FAT3: variants seen among roughly 807,000 people sequenced by gnomAD.
The protein encoded by FAT3 is protocadherin Fat 3.
Under a neutral mutation model 310.2 loss-of-function variants are expected in FAT3, and 95 were observed. The observed-to-expected ratio is 0.31, with a 90% CI of 0.26 to 0.36. FAT3 has a LOEUF of 0.36. Among genes scored for constraint, FAT3 ranks in the 10% least tolerant of loss-of-function variants. FAT3 has a pLI of 1.00. For missense variants in FAT3, 5,408 were observed against 5,715.6 expected (o/e 0.95, Z 1.74); for synonymous variants, 2,314 against 2,192.9 (o/e 1.06, Z -1.54).
intron 1 of FAT3, among the ~76,000 whole-genome samples, chr11:92,269,350 G>A (rs919686145): frequency 6.6e-6 from 1 of 152,084 alleles, no homozygotes; most frequent in Admixed American, 6.6e-5. Context: ...GTTCACACCA[G>A]CAAGCAAGTA....
intron 4 of FAT3, among the ~76,000 whole-genome samples, chr11:92,706,847 A>G (rs1944369428): frequency 1.3e-5 from 2 of 152,204 alleles, no homozygotes; most frequent in Non-Finnish European, 1.5e-5. Flanking sequence ...CTCTGTTGAC[A>G]TTGGAAATTA....
At chr11:92,729,115 C>G (rs943223530) in intron 4 of FAT3, among the ~76,000 whole-genome samples, 1 of 152,138 alleles carries the variant, frequency 6.6e-6, no homozygotes, top group Non-Finnish European at 1.5e-5. Context: ...GTGATTTGTT[C>G]TATGTGTTTC....
intron 3 of FAT3, among the ~76,000 whole-genome samples, chr11:92,641,191 T>G (rs2135728450): frequency 6.6e-6 from 1 of 152,264 alleles, no homozygotes; most frequent in East Asian, 1.9e-4. Flanking sequence ...AGAGACCCTG[T>G]CCCCTACCAC....
intron 3 of FAT3, among the ~76,000 whole-genome samples, chr11:92,541,471 C>T (rs1426850508): frequency 1.3e-5 from 2 of 152,158 alleles, no homozygotes; most frequent in South Asian, 2.1e-4. Flanking sequence ...TCTGGATTCA[C>T]TTGCCTCTGA....
chr11:92,320,315 G>GGA (rs1440166386), intron 1 of FAT3, among the ~76,000 whole-genome samples: 1 of 152,110 alleles, frequency 6.6e-6, no homozygotes, highest in Non-Finnish European at 1.5e-5. Flanking sequence ...CATGCAGGAA[G>GGA]GAGCCCTCCC....
At chr11:92,862,056 T>C (rs1449076853) in intron 21 of FAT3, among the ~76,000 whole-genome samples, 1 of 152,164 alleles carries the variant, frequency 6.6e-6, no homozygotes, top group Non-Finnish European at 1.5e-5. Flanking sequence ...CCTATCTTCT[T>C]CCAAAAGAAA....
intron 17 of FAT3, among the ~76,000 whole-genome samples, chr11:92,839,079 C>G (rs1948474567): frequency 6.6e-6 from 1 of 152,218 alleles, no homozygotes; most frequent in Middle Eastern, 3.2e-3. Context: ...CCCTCATGGC[C>G]TCTGTTTGCT....
chr11:92,831,978 G>C lies in FAT3; in HGVS notation c.9838G>C (p.Glu3280Gln), dbSNP rs758963385. 3.2e-6 allele frequency: 5 copies of C among 1,557,350 alleles called. No homozygotes were observed. The Admixed American group carries it at 9.7e-5, about 30-fold the overall frequency. Residue 3280 changes from glutamate (E) to glutamine (Q), a missense_variant, in exon 14 of 28, where the codon GAA becomes CAA. This residue lies in a region of FAT3 where 4,588 missense variants were observed against 4,809.8 expected (regional missense o/e 0.95). Coordinates refer to ENST00000525166, the MANE Select transcript of FAT3 (RefSeq NM_001367949.2). The stretch of plus-strand genomic sequence containing the variant: ...CACTTATCTCATCCGGTCTGGGAAC[G>C]AACAAGGGAAATTTAAGATCAACCC... ...EITYLIRSGN[E>Q]QGKFKINPKT...
chr11:92,786,121 T>C (rs1262148986), intron 7 of FAT3, among the ~76,000 whole-genome samples: 1 of 152,102 alleles, frequency 6.6e-6, no homozygotes, highest in Non-Finnish European at 1.5e-5. Context: ...GAGAGCCATA[T>C]GGAAAATAAT....
intron 1 of FAT3, among the ~76,000 whole-genome samples, chr11:92,315,479 GTATATATATATATATATA>G (rs1168085335): frequency 6.1e-5 from 4 of 65,188 alleles, no homozygotes; most frequent in African/African-American, 9.8e-5. Context: ...GTGTGTGTGT[GTATATATATATATATATA>G]TATATATATA....
In FAT3 at chr11:92,883,534, C is replaced by A; in HGVS notation, c.12937+141C>A. On this transcript the variant is annotated intron_variant, in intron 24 of 27. Transcript: ENST00000525166. This position sits in a 1 kb window ranked among gnomAD's most constrained non-coding sequence, Gnocchi z 4.2. ...CATGTGCTGATGTCGAATGTGCACA[C>A]CAGCTCTGGAAAATTGTCCTGGTTC... 1 of 1,151,520 alleles carries A rather than the reference C, an allele frequency of 8.7e-7. No homozygotes were observed. The highest frequency in any genetic ancestry group is 2.6e-5 in the East Asian group (1 of 38,528). The allele number at this position is 1,151,520 out of a possible 1,614,324, so 71.3% of individuals were successfully genotyped here.
At chr11:92,325,253 C>T (rs576015785) in intron 1 of FAT3, among the ~76,000 whole-genome samples, 1 of 152,194 alleles carries the variant, frequency 6.6e-6, no homozygotes, top group East Asian at 1.9e-4. Context: ...TGGTTCCTTA[C>T]AGCACAAACA....
chr11:92,835,973 C>G (rs978969648), intron 15 of FAT3, among the ~76,000 whole-genome samples: 6 of 152,134 alleles, frequency 3.9e-5, no homozygotes, highest in African/African-American at 1.4e-4. Flanking sequence ...CATCTCATTG[C>G]AGGATGAGGG....
At chr11:92,668,336 T>C (rs1261381246) in intron 3 of FAT3, among the ~76,000 whole-genome samples, 1 of 152,178 alleles carries the variant, frequency 6.6e-6, no homozygotes, top group African/African-American at 2.4e-5. Flanking sequence ...GCACATAAAA[T>C]AGAAGACACA....
intron 2 of FAT3, among the ~76,000 whole-genome samples, chr11:92,377,146 G>A (rs1348088278): frequency 3.9e-5 from 6 of 152,136 alleles, no homozygotes; most frequent in Non-Finnish European, 1.5e-5. Context: ...CTCATGCATG[G>A]GAACACATGT....
chr11:92,264,123 T>G lies in FAT3; in HGVS notation c.-18+38949T>G, dbSNP rs530086089. Among the ~76,000 whole-genome samples, 19 of 152,272 alleles carry G rather than the reference T, an allele frequency of 1.2e-4. No homozygotes were observed. The East Asian group carries it at 2.7e-3, about 22-fold the overall frequency. ...CTATCTGTGTGCCTCTTCTACTTTG[T>G]GCATTCAAGGTCTCATTTTGTTGAC... is the stretch of plus-strand genomic sequence containing the variant. On this transcript the variant is annotated intron_variant, in intron 1 of 27. Coordinates refer to ENST00000525166, the MANE Select transcript of FAT3 (RefSeq NM_001367949.2).
chr11:92,558,261 G>A (rs1462413135), intron 3 of FAT3, among the ~76,000 whole-genome samples: 1 of 152,006 alleles, frequency 6.6e-6, no homozygotes, highest in Non-Finnish European at 1.5e-5. Flanking sequence ...TATAGAAAAT[G>A]TTTATTTAGG....
Position 92,799,820 on chromosome 11 carries a change from T to C in FAT3, c.6807T>C (p.Ala2269=). ...RASDALTGAR[A]EVTVDLLVND... The stretch of plus-strand genomic sequence containing the variant: ...GCGACGCCCTTACTGGTGCTAGGGC[T>C]GAAGTCACTGTTGACTTGCTAGTTA... The change falls in exon 10 of 28, where the codon GCT becomes GCC. Residue 2269 remains alanine (A), a synonymous_variant. Coordinates refer to ENST00000525166, the MANE Select transcript of FAT3 (RefSeq NM_001367949.2). 1 of 1,613,364 alleles carries C rather than the reference T, an allele frequency of 6.2e-7. No individual in the cohort carries two copies. The highest frequency in any genetic ancestry group is 8.5e-7 in the Non-Finnish European group (1 of 1,179,616).
chr11:92,243,495 A>G lies in FAT3; in HGVS notation c.-18+18321A>G, dbSNP rs566234589. Among the ~76,000 whole-genome samples, 10 of 152,164 alleles carry G rather than the reference A, an allele frequency of 6.6e-5. No individual in the cohort carries two copies. The South Asian group carries it at 2.1e-3, about 31-fold the overall frequency. On this transcript the variant is annotated intron_variant, in intron 1 of 27. Coordinates refer to ENST00000525166, the MANE Select transcript of FAT3 (RefSeq NM_001367949.2). ...AAAAAAGACTTGCTTTATGTTTTAG[A>G]AACTTGTCTTTTTCCTAAATAGAAA...
Sources: gnomAD v4.1 joint callset for allele counts (sites outside exome capture counted in the v4.1 genomes callset) on GRCh38, gnomAD v4.1.1 for gene constraint, gnomAD v4.1.1 regional missense constraint, Gnocchi (gnomAD v3.1) non-coding constraint, MANE v1.5 for transcripts, NCBI Gene and HGNC (gene_info 2026-07-23, HGNC 2026-07-21) for gene names.